The following RTN3 variants were observed in gnomAD, a reference collection of about 807,000 sequenced individuals.
RTN3 encodes the protein reticulon-3.
In RTN3, 49 loss-of-function variants were observed where a neutral mutation model predicts 77.8. The observed-to-expected ratio is 0.63, with a 90% CI of 0.50 to 0.80. The LOEUF is 0.80. Among genes scored for constraint, RTN3 ranks in the 30% least tolerant of loss-of-function variants. The probability of loss-of-function intolerance (pLI) is 0.00; values close to 1 mark genes in which losing one functional copy is unlikely to be tolerated. For synonymous variants in RTN3, 464 were observed against 446.9 expected (o/e 1.04, Z -0.48); for missense variants, 1,236 against 1,211.9 (o/e 1.02, Z -0.29).
At chr11:63,729,143 A>C (rs2134957658) in intron 3 of RTN3, among the ~76,000 whole-genome samples, 1 of 152,154 alleles carries the variant, frequency 6.6e-6, no homozygotes, top group East Asian at 1.9e-4. Context: ...AACTAAAAGA[A>C]TTCTACCAGA....
At chr11:63,682,848 A>G (rs972532918) in intron 1 of RTN3, among the ~76,000 whole-genome samples, 4 of 152,150 alleles carry the variant, frequency 2.6e-5, no homozygotes, top group African/African-American at 4.8e-5. Context: ...GGGGGAAAAA[A>G]AAACCACCAT....
At chr11:63,693,022 T>G (rs1029673732) in intron 1 of RTN3, among the ~76,000 whole-genome samples, 8 of 152,058 alleles carry the variant, frequency 5.3e-5, no homozygotes, top group Non-Finnish European at 1.0e-4. Flanking sequence ...AGATCCTCCT[T>G]CCTTGGCTTC....
intron 3 of RTN3, among the ~76,000 whole-genome samples, chr11:63,737,282 A>G (rs1426674112): frequency 6.6e-6 from 1 of 152,228 alleles, no homozygotes; most frequent in African/African-American, 2.4e-5. Flanking sequence ...GTAGGCAAAG[A>G]TTTCTTAGGT....
At chr11:63,706,956 G>A (rs1942525543) in intron 2 of RTN3, among the ~76,000 whole-genome samples, 1 of 149,788 alleles carries the variant, frequency 6.7e-6, no homozygotes, top group Non-Finnish European at 1.5e-5. Context: ...GAGTGCATTG[G>A]TGTGATCTCA....
chr11:63,688,675 G>A lies in RTN3; in HGVS notation c.142+6897G>A, dbSNP rs563872914. On this transcript the variant is annotated intron_variant, in intron 1 of 8. Transcript: ENST00000377819. Reference sequence around the variant, plus strand: ...TAAGGGGTTGTTCATTAAGTGGCTGGTAAGAACCTCAGTGTTTTTATTCTT... The same window carrying A: ...TAAGGGGTTGTTCATTAAGTGGCTGATAAGAACCTCAGTGTTTTTATTCTT... Among the ~76,000 whole-genome samples the A allele has an allele frequency of 2.0e-5, 3 of 152,222 alleles. No homozygotes were observed. In the East Asian group the frequency reaches 5.8e-4, roughly 29 times the overall value.
chr11:63,711,953 T>TC (rs2011171020), intron 2 of RTN3, among the ~76,000 whole-genome samples: 1 of 152,190 alleles, frequency 6.6e-6, no homozygotes, highest in Non-Finnish European at 1.5e-5. Flanking sequence ...CACCTGGGCC[T>TC]CCCAGAGTGT....
At chr11:63,681,493 G>C (rs1941029505), upstream of RTN3, 2 of 839,940 alleles carry the variant, frequency 2.4e-6, no homozygotes, top group East Asian at 6.5e-5. Context: ...GCTCGGCTGA[G>C]TCAGTCAGTC....
intron 2 of RTN3, among the ~76,000 whole-genome samples, chr11:63,717,375 C>CTTTTTTT (rs1187530525): frequency 1.6e-4 from 12 of 75,186 alleles, no homozygotes; most frequent in South Asian, 5.6e-4. Context: ...TTAACTCTGT[C>CTTTTTTT]TTTTTTTTTT....
chr11:63,699,299 CCTT>C (rs1054921512), intron 1 of RTN3, among the ~76,000 whole-genome samples: 1 of 151,208 alleles, frequency 6.6e-6, no homozygotes, highest in African/African-American at 2.4e-5. Context: ...AGCTGAGACT[CCTT>C]CTCAAAAAAA....
chr11:63,720,941 A>G lies in RTN3; in HGVS notation c.2439A>G (p.Arg813=). 6.2e-7 allele frequency: 1 copy of G among 1,614,148 alleles called. No individual in the cohort carries two copies. Among genetic ancestry groups the G allele is most frequent in the Non-Finnish European group, 8.5e-7 (1 of 1,180,020 alleles). The part of the protein sequence containing the change: ...LGISQKPITI[R]ETTRVDAVSS... ...TTTCCCAGAAGCCCATCACTATCAG[A>G]GAAACTACTAGGGTAGATGCTGTTT... is the stretch of plus-strand genomic sequence containing the variant. The change falls in exon 3 of 9, where the codon AGA becomes AGG. Residue 813 remains arginine, a synonymous_variant. Coordinates refer to ENST00000377819, the MANE Select transcript of RTN3 (RefSeq NM_001265589.2).
At chr11:63,751,658 G>A (rs888441409) in intron 4 of RTN3, among the ~76,000 whole-genome samples, 2 of 152,072 alleles carry the variant, frequency 1.3e-5, no homozygotes, top group African/African-American at 4.8e-5. Context: ...TCTCTTGGTG[G>A]AAATAGAAGG....
rs747766171 is a variant in RTN3, at chr11:63,723,416, CT to C, written c.2530+2401del. On this transcript the variant is annotated intron_variant, in intron 3 of 8. Coordinates refer to ENST00000377819, the MANE Select transcript of RTN3 (RefSeq NM_001265589.2). ...TCAGTGTCTAGTTTTATTTATTTATCTTTTTTTTTTTTTTTTTAATTTTTTG... is the reference window on the plus strand; with the variant it reads ...TCAGTGTCTAGTTTTATTTATTTATCTTTTTTTTTTTTTTTTAATTTTTTG... Among the ~76,000 whole-genome samples the C allele has an allele frequency of 9.1e-3, 1,241 of 136,142 alleles. 1 individual carries two copies. The highest frequency in any genetic ancestry group is 0.016 in the African/African-American group (608 of 37,606). 89.3% of individuals were successfully genotyped at this position (136,142 alleles called of 152,430 possible). A position where few individuals can be genotyped will look rare whatever the true frequency, so the allele number is the denominator to read the frequency against.
chr11:63,707,773 G>T (rs1222362887), intron 2 of RTN3, among the ~76,000 whole-genome samples: 1 of 152,176 alleles, frequency 6.6e-6, no homozygotes, highest in African/African-American at 2.4e-5. Flanking sequence ...GACAGAGGTT[G>T]CAGTGAGCCG....
At chr11:63,702,408 G>A (rs1372718378) in intron 1 of RTN3, among the ~76,000 whole-genome samples, 5 of 150,630 alleles carry the variant, frequency 3.3e-5, no homozygotes, top group African/African-American at 7.3e-5. Context: ...TCTGCCACCC[G>A]GGTTCAAGTG....
intron 2 of RTN3, among the ~76,000 whole-genome samples, chr11:63,712,647 G>A (rs1026228661): frequency 7.9e-5 from 12 of 151,620 alleles, no homozygotes; most frequent in Non-Finnish European, 1.6e-4. Context: ...CACCACACTC[G>A]GCTAATTTTT....
At chr11:63,684,149 T>TGG (rs1565295172) in intron 1 of RTN3, among the ~76,000 whole-genome samples, 1 of 52,636 alleles carries the variant, frequency 1.9e-5, no homozygotes, top group Non-Finnish European at 4.4e-5. Context: ...TTTTTTTTTT[T>TGG]TTTTTGGTTT....
At position 63,720,846 on chromosome 11, in the gene RTN3, C is replaced by G. The variant is rs1204946628; in HGVS notation, c.2344C>G (p.Pro782Ala). The change falls in exon 3 of 9, where the codon CCA (proline) becomes GCA (alanine). Residue 782 changes from proline (P) to alanine (A), a missense_variant. Physicochemically the swap from Pro to Ala is conservative, Grantham distance 27. This residue lies in a region of RTN3 where 1,056 missense variants were observed against 990.4 expected (regional missense o/e 1.07). Coordinates refer to ENST00000377819, the MANE Select transcript of RTN3 (RefSeq NM_001265589.2). Reference sequence around the variant, plus strand: ...ACTGAAGCAAACTTTCACATTTGCTCCAGAATCTTGGCCACAGAGATCATA... The same window carrying G: ...ACTGAAGCAAACTTTCACATTTGCTGCAGAATCTTGGCCACAGAGATCATA... Reference protein sequence around the residue: ...EVLKQTFTFAPESWPQRSYDI... With the variant: ...EVLKQTFTFAAESWPQRSYDI... 13 of 1,613,764 alleles carry G rather than the reference C, an allele frequency of 8.1e-6. No homozygotes were observed. The highest frequency in any genetic ancestry group is 1.1e-5 in the Non-Finnish European group (13 of 1,179,946).
chr11:63,729,311 A>G (rs2012508634), intron 3 of RTN3, among the ~76,000 whole-genome samples: 1 of 152,084 alleles, frequency 6.6e-6, no homozygotes, highest in African/African-American at 2.4e-5. Flanking sequence ...TAATTTCTTA[A>G]AATATATAGG....
chr11:63,704,769 C>T, intron 1 of RTN3, 82 bp from the exon 2 acceptor site: 3 of 978,958 alleles, frequency 3.1e-6, no homozygotes, highest in Admixed American at 1.8e-5. Flanking sequence ...ATGCTTGGCT[C>T]TTCCTCCCCA....
Sources: gnomAD v4.1 joint callset for allele counts (sites outside exome capture counted in the v4.1 genomes callset) on GRCh38, gnomAD v4.1.1 for gene constraint, gnomAD v4.1.1 regional missense constraint, MANE v1.5 for transcripts, NCBI Gene and HGNC (gene_info 2026-07-23, HGNC 2026-07-21) for gene names.